The following RFTN1 variants were observed in gnomAD, a reference collection of about 807,000 sequenced individuals.
The protein encoded by RFTN1 is raftlin, lipid raft linker 1.
Under a neutral mutation model 46.5 loss-of-function variants are expected in RFTN1, and 26 were observed. That is an observed-to-expected ratio of 0.56 (90% confidence interval 0.41 to 0.78). The LOEUF is 0.78. Among genes scored for constraint, RFTN1 ranks in the 30% least tolerant of loss-of-function variants. The probability of loss-of-function intolerance (pLI) is 0.00; values close to 1 mark genes in which losing one functional copy is unlikely to be tolerated. For missense variants in RFTN1, 693 were observed against 718.7 expected (o/e 0.96, Z 0.41); for synonymous variants, 261 against 284.2 (o/e 0.92, Z 0.82).
In RFTN1 at chr3:16,345,786, C is replaced by CTGTGTGTGTGTGTGTG. The variant is rs1553726059; in HGVS notation, c.1146+12145_1146+12146insCACACACACACACACA. 1.5e-4 allele frequency among the ~76,000 whole-genome samples: 12 copies of CTGTGTGTGTGTGTGTG among 81,550 alleles called. No individual in the cohort carries two copies. The highest frequency in any genetic ancestry group is 2.2e-4 in the African/African-American group (4 of 18,504). The allele number at this position is 81,550 out of a possible 152,430, so 53.5% of individuals were successfully genotyped here. A position where few individuals can be genotyped will look rare whatever the true frequency, so the allele number is the denominator to read the frequency against. Reference sequence around the variant, plus strand: ...CATGAGCCAAAACCTTATAATAAATCTCTGTGTGTGTGTGTGTGTGTGTGT... The same window carrying CTGTGTGTGTGTGTGTG: ...CATGAGCCAAAACCTTATAATAAATCTGTGTGTGTGTGTGTGTCTGTGTGTGTGTGTGTGTGTGTGT... On this transcript the variant is annotated intron_variant, in intron 7 of 9. Transcript: ENST00000334133. The surrounding 1 kb of genome is among the most constrained non-coding windows in gnomAD (Gnocchi z 5.2).
In RFTN1 at chr3:16,426,068, C is replaced by T. The variant is rs1452242192; in HGVS notation, c.332+7783G>A. Among the ~76,000 whole-genome samples the T allele has an allele frequency of 6.6e-6, 1 of 152,216 alleles. No homozygotes were observed. The highest frequency in any genetic ancestry group is 1.5e-5 in the Non-Finnish European group (1 of 68,034). ...GCCTTAAGCAAGAGCTCTGAATTCA[C>T]CTTCCTCAATGTCTGCTCTCTGGGA... On this transcript the variant is annotated intron_variant, in intron 3 of 9. Coordinates refer to ENST00000334133, the MANE Select transcript of RFTN1 (RefSeq NM_015150.2). The surrounding 1 kb of genome is among the most constrained non-coding windows in gnomAD (Gnocchi z 5.9).
At chr3:16,343,643 C>A (rs530311098) in intron 7 of RFTN1, among the ~76,000 whole-genome samples, 2 of 152,346 alleles carry the variant, frequency 1.3e-5, no homozygotes, top group East Asian at 1.9e-4. Flanking sequence ...CATGTGTTTT[C>A]ATAAATTTGG....
chr3:16,434,074 T>C (rs1046541993), intron 2 of RFTN1, 37 bp from the exon 3 acceptor site: 5 of 1,512,670 alleles, frequency 3.3e-6, no homozygotes, highest in African/African-American at 1.4e-5. Context: ...CAAAGACCCA[T>C]CACAACGCCC....
rs1368159056 is a variant in RFTN1, at chr3:16,356,142, A to G, written c.1146+1790T>C. Among the ~76,000 whole-genome samples the G allele has an allele frequency of 6.6e-6, 1 of 152,222 alleles. No individual in the cohort carries two copies. On this transcript the variant is annotated intron_variant, in intron 7 of 9. Transcript: ENST00000334133. This position sits in a 1 kb window ranked among gnomAD's most constrained non-coding sequence, Gnocchi z 4.9. ...ACGTGATGGGCCATGTGACCTGCCCAGCTTACAAGTTGAGGAAGGACAGGG... is the reference window on the plus strand; with the variant it reads ...ACGTGATGGGCCATGTGACCTGCCCGGCTTACAAGTTGAGGAAGGACAGGG...
rs954911314 is a variant in RFTN1 at position 16,337,724 on chromosome 3, G to C, written c.1147-10848C>G. Among the ~76,000 whole-genome samples the C allele has an allele frequency of 2.1e-5, 3 of 140,634 alleles. No individual in the cohort carries two copies. Among genetic ancestry groups the C allele is most frequent in the African/African-American group, 8.3e-5 (3 of 36,286 alleles). The allele number at this position is 140,634 out of a possible 152,430, so 92.3% of individuals were successfully genotyped here. Reference sequence around the variant, plus strand: ...GCCACTGCACTCCAGCCTGGCGACAGAGCGAGACTCCATCTCAAAAAAAAA... The same window carrying C: ...GCCACTGCACTCCAGCCTGGCGACACAGCGAGACTCCATCTCAAAAAAAAA... On this transcript the variant is annotated intron_variant, in intron 7 of 9. Transcript: ENST00000334133. This position sits in a 1 kb window ranked among gnomAD's most constrained non-coding sequence, Gnocchi z 5.0.
At position 16,427,806 on chromosome 3, in the gene RFTN1, T is replaced by C. The variant is rs2075312515; in HGVS notation, c.332+6045A>G. 6.6e-6 allele frequency among the ~76,000 whole-genome samples: 1 copy of C among 152,128 alleles called. No individual in the cohort carries two copies. The highest frequency in any genetic ancestry group is 2.4e-5 in the African/African-American group (1 of 41,424). ...ATGCCTGCCCTCCCACTGTTTCTCT[T>C]TGGACACCACGTTCCACTTGTTCCA... On this transcript the variant is annotated intron_variant, in intron 3 of 9. Transcript: ENST00000334133. The surrounding 1 kb of genome is among the most constrained non-coding windows in gnomAD (Gnocchi z 5.4).
chr3:16,372,765 T>C (rs1339367498), intron 5 of RFTN1, among the ~76,000 whole-genome samples: 1 of 152,080 alleles, frequency 6.6e-6, no homozygotes, highest in Non-Finnish European at 1.5e-5. Context: ...TCAGAAAAGG[T>C]AGACGGTGCT....
intron 2 of RFTN1, among the ~76,000 whole-genome samples, chr3:16,439,388 T>C (rs1367125138): frequency 6.6e-6 from 1 of 152,246 alleles, no homozygotes. Flanking sequence ...TGTTTTGTAA[T>C]AGTTGCCTGA....
rs1322202301 is a variant in RFTN1 at position 16,421,390 on chromosome 3, C to T, written c.333-11907G>A. Among the ~76,000 whole-genome samples, 2 of 150,754 alleles carry T rather than the reference C, an allele frequency of 1.3e-5. No homozygotes were observed. The highest frequency in any genetic ancestry group is 1.3e-4 in the Admixed American group (2 of 15,148). On this transcript the variant is annotated intron_variant, in intron 3 of 9. Coordinates refer to ENST00000334133, the MANE Select transcript of RFTN1 (RefSeq NM_015150.2). The surrounding 1 kb of genome is among the most constrained non-coding windows in gnomAD (Gnocchi z 4.6). ...TTTTTGAGATGGTGTCTCACTCTGT[C>T]GCCCAGGCTGGGGTGCAGTGGCATA...
Position 16,317,518 on chromosome 3 carries a change from A to T in RFTN1, c.1333-286T>A, listed in dbSNP as rs1234037973. ...TTGACTGGCTCTATACCAAAGGCCC[A>T]CATAGGAAAGGGCTCCTAAAGTCCT... is the stretch of plus-strand genomic sequence containing the variant. On this transcript the variant is annotated intron_variant, in intron 9 of 9. Transcript: ENST00000334133. The surrounding 1 kb of genome is among the most constrained non-coding windows in gnomAD (Gnocchi z 4.3). 6.6e-6 allele frequency among the ~76,000 whole-genome samples: 1 copy of T among 152,178 alleles called. No homozygotes were observed. Among genetic ancestry groups the T allele is most frequent in the East Asian group, 1.9e-4 (1 of 5,186 alleles).
chr3:16,446,181 A>G lies in RFTN1; in HGVS notation c.146-12144T>C, dbSNP rs531490503. 7.2e-5 allele frequency among the ~76,000 whole-genome samples: 11 copies of G among 152,150 alleles called. No homozygotes were observed. The South Asian group carries it at 2.1e-3, about 29-fold the overall frequency. On this transcript the variant is annotated intron_variant, in intron 2 of 9. Transcript: ENST00000334133. This position sits in a 1 kb window ranked among gnomAD's most constrained non-coding sequence, Gnocchi z 4.5. ...GTGGATGGTGAACTCTGGGGTCCCCATATTCCCTGGGCCCTAAAGCAGATT... is the reference window on the plus strand; with the variant it reads ...GTGGATGGTGAACTCTGGGGTCCCCGTATTCCCTGGGCCCTAAAGCAGATT...
chr3:16,364,219 C>T (rs946240221), intron 6 of RFTN1, among the ~76,000 whole-genome samples: 1 of 152,198 alleles, frequency 6.6e-6, no homozygotes, highest in Non-Finnish European at 1.5e-5. Context: ...CATTCTGATT[C>T]AGTGTTAGCT....
At chr3:16,323,232 T>C (rs1043670680) in intron 9 of RFTN1, 144 bp downstream of exon 9, 3 of 629,834 alleles carry the variant, frequency 4.8e-6, no homozygotes, top group Non-Finnish European at 5.6e-6. Context: ...GAGATGTGAT[T>C]CGGGTTGCCA....
At position 16,418,584 on chromosome 3, in the gene RFTN1, A is replaced by G. The variant is rs1311723465; in HGVS notation, c.333-9101T>C. ...AAATACTAAACGTCAGTTGACAAAA[A>G]CAAATTCTCTATCTCTGGGAAACAG... On this transcript the variant is annotated intron_variant, in intron 3 of 9. Coordinates refer to ENST00000334133, the MANE Select transcript of RFTN1 (RefSeq NM_015150.2). The surrounding 1 kb of genome is among the most constrained non-coding windows in gnomAD (Gnocchi z 5.0). Among the ~76,000 whole-genome samples, 1 of 152,198 alleles carries G rather than the reference A, an allele frequency of 6.6e-6. No homozygotes were observed. The highest frequency in any genetic ancestry group is 2.4e-5 in the African/African-American group (1 of 41,440).
chr3:16,454,354 A>G (rs544482270), intron 2 of RFTN1, among the ~76,000 whole-genome samples: 1 of 152,324 alleles, frequency 6.6e-6, no homozygotes, highest in Non-Finnish European at 1.5e-5. Flanking sequence ...CACCTGCATC[A>G]GGATCATCTA....
At chr3:16,445,479 T>TCACACACA (rs1319902709) in intron 2 of RFTN1, among the ~76,000 whole-genome samples, 1 of 79,882 alleles carries the variant, frequency 1.3e-5, no homozygotes, top group African/African-American at 5.9e-5. Flanking sequence ...TCTCTCTCTC[T>TCACACACA]CTCTCACACA....
Position 16,361,749 on chromosome 3 carries a change from C to A in RFTN1, c.1031-3702G>T, listed in dbSNP as rs1048780655. Among the ~76,000 whole-genome samples the A allele has an allele frequency of 2.6e-5, 4 of 152,174 alleles. No homozygotes were observed. The highest frequency in any genetic ancestry group is 9.7e-5 in the African/African-American group (4 of 41,432). On this transcript the variant is annotated intron_variant, in intron 6 of 9. Coordinates refer to ENST00000334133, the MANE Select transcript of RFTN1 (RefSeq NM_015150.2). The surrounding 1 kb of genome is among the most constrained non-coding windows in gnomAD (Gnocchi z 4.3). ...ACTTGCTTGGCCAATGGGATATTAGCAGGTGTAATGCAAGCAGAGACATAA... is the reference window on the plus strand; with the variant it reads ...ACTTGCTTGGCCAATGGGATATTAGAAGGTGTAATGCAAGCAGAGACATAA...
In RFTN1 at chr3:16,411,473, T is replaced by G. The variant is rs190853744; in HGVS notation, c.333-1990A>C. 2.0e-5 allele frequency among the ~76,000 whole-genome samples: 3 copies of G among 152,270 alleles called. No individual in the cohort carries two copies. The East Asian group carries it at 5.8e-4, about 29-fold the overall frequency. ...CCAACATACCCTTCCAAGGGTAGGG[T>G]ACTGTGGCGCATACATTCAAAATGT... On this transcript the variant is annotated intron_variant, in intron 3 of 9. Transcript: ENST00000334133.
intron 3 of RFTN1, among the ~76,000 whole-genome samples, chr3:16,419,704 TAGTC>T (rs2075150332): frequency 6.6e-6 from 1 of 151,976 alleles, no homozygotes; most frequent in African/African-American, 2.4e-5. Flanking sequence ...GAGGAAAAAA[TAGTC>T]AAGTAAACAA....
Sources: gnomAD v4.1 joint callset for allele counts (sites outside exome capture counted in the v4.1 genomes callset) on GRCh38, gnomAD v4.1.1 for gene constraint, Gnocchi (gnomAD v3.1) non-coding constraint, MANE v1.5 for transcripts, NCBI Gene and HGNC (gene_info 2026-07-23, HGNC 2026-07-21) for gene names.